The following NIPAL3 variants were observed in gnomAD, a reference collection of about 807,000 sequenced individuals.
NIPAL3 encodes NIPA-like protein 3.
NIPAL3 carries 41 observed loss-of-function variants against 47.2 expected under a neutral mutation model. The observed-to-expected ratio is 0.87, with a 90% CI of 0.68 to 1.13. The LOEUF is 1.13. NIPAL3 is among the 50% of genes most tolerant of loss of function. The pLI, the probability that NIPAL3 is intolerant of heterozygous loss-of-function variation, is 0.00. For synonymous variants in NIPAL3, 194 were observed against 209.6 expected, an observed-to-expected ratio of 0.93 and a Z score of 0.64; for missense variants, 449 against 530.1, an observed-to-expected ratio of 0.85 and a Z score of 1.50.
At chr1:24,414,986 T>C (rs1643953631), upstream of NIPAL3, 2 of 152,188 alleles carry the variant, frequency 1.3e-5, no homozygotes, top group African/African-American at 2.4e-5. Context: ...GAGCTTTCTC[T>C]GCCCCACGAT....
chr1:24,428,258 A>AAGAGAGAGAG (rs56082168), intron 2 of NIPAL3, among the ~76,000 whole-genome samples: 7,251 of 118,854 alleles, frequency 0.061, 316 homozygotes, highest in South Asian at 0.096. Flanking sequence ...CTCAAAAAGA[A>AAGAGAGAGAG]AGAGAGAGAG....
At chr1:24,438,956 A>C (rs1645250727) in intron 2 of NIPAL3, among the ~76,000 whole-genome samples, 1 of 152,230 alleles carries the variant, frequency 6.6e-6, no homozygotes, top group Non-Finnish European at 1.5e-5. Context: ...TAATCCATAC[A>C]AACGCACAAA....
chr1:24,442,250 TC>T (rs772793039), intron 4 of NIPAL3, 24 bp downstream of exon 4: 2 of 1,605,346 alleles, frequency 1.2e-6, no homozygotes, highest in Non-Finnish European at 1.7e-6. Context: ...TGCCCCACCC[TC>T]CCCTGGGGTG....
chr1:24,463,330 G>A (rs537336747), intron 10 of NIPAL3, among the ~76,000 whole-genome samples: 3 of 152,330 alleles, frequency 2.0e-5, no homozygotes, highest in Admixed American at 6.5e-5. Context: ...GGTGAGAGAA[G>A]TCAAGATAGT....
chr1:24,464,159 A>G, intron 11 of NIPAL3, 39 bp downstream of exon 11: 1 of 1,486,170 alleles, frequency 6.7e-7, no homozygotes, highest in Non-Finnish European at 9.3e-7. Context: ...GAACATCCAT[A>G]TAGAATGACT....
intron 2 of NIPAL3, among the ~76,000 whole-genome samples, chr1:24,432,128 A>G (rs1405234814): frequency 4.6e-5 from 7 of 151,852 alleles, no homozygotes; most frequent in Non-Finnish European, 1.0e-4. Flanking sequence ...TCTCTAATAG[A>G]TTATATATAT....
In NIPAL3 at chr1:24,440,235, C is replaced by G; in HGVS notation, c.157C>G (p.Leu53Val). The G allele has an allele frequency of 6.3e-7, 1 of 1,591,932 alleles. No homozygotes were observed. Among genetic ancestry groups the G allele is most frequent in the Non-Finnish European group, 8.5e-7 (1 of 1,170,348 alleles). ...GHLVVSIALN[L>V]QKYCHIRLAG... ...CCTCGTGGTCAGCATTGCACTTAAC[C>G]TCCAGGTAAGTTTCAGTTACCAGCA... is the stretch of plus-strand genomic sequence containing the variant. Residue 53 changes from leucine (L) to valine (V), a missense_variant, in exon 3 of 12, where the codon CTC (leucine) becomes GTC (valine). Physicochemically the swap from Leu to Val is conservative, Grantham distance 32. Coordinates refer to ENST00000374399, the MANE Select transcript of NIPAL3 (RefSeq NM_020448.5).
intron 5 of NIPAL3, among the ~76,000 whole-genome samples, chr1:24,448,077 T>C (rs1160828086): frequency 6.6e-6 from 1 of 152,260 alleles, no homozygotes; most frequent in Non-Finnish European, 1.5e-5. Flanking sequence ...ATTCATTCAT[T>C]GAACAATTGA....
chr1:24,461,498 C>G lies in NIPAL3; in HGVS notation c.926+954C>G, dbSNP rs1038249627. Among the ~76,000 whole-genome samples, 3 of 143,016 alleles carry G rather than the reference C, an allele frequency of 2.1e-5. No individual in the cohort carries two copies. In the East Asian group the frequency reaches 6.2e-4, roughly 30 times the overall value. 93.8% of individuals were successfully genotyped at this position (143,016 alleles called of 152,430 possible). A position where few individuals can be genotyped will look rare whatever the true frequency, so the allele number is the denominator to read the frequency against. ...CGGAGGTTGTGGTGACCCGAGATTG[C>G]GCCATTGCAGTCCAGCCTGGGCAAC... On this transcript the variant is annotated intron_variant, in intron 10 of 11. Transcript: ENST00000374399.
At chr1:24,427,916 T>A (rs2235553) in intron 2 of NIPAL3, among the ~76,000 whole-genome samples, 35,833 of 152,048 alleles carry the variant, frequency 0.24, 4,704 homozygotes, top group East Asian at 0.45. Flanking sequence ...AGCCATAGAA[T>A]CTACAATCCC....
At position 24,454,143 on chromosome 1, in the gene NIPAL3, C is replaced by T. The variant is rs992141934; in HGVS notation, c.637+639C>T. 2.2e-5 allele frequency: 27 copies of T among 1,241,872 alleles called. No homozygotes were observed. Among genetic ancestry groups the T allele is most frequent in the African/African-American group, 1.4e-4 (9 of 63,370 alleles). The allele number at this position is 1,241,872 out of a possible 1,614,324, so 76.9% of individuals were successfully genotyped here. A position where few individuals can be genotyped will look rare whatever the true frequency, so the allele number is the denominator to read the frequency against. On this transcript the variant is annotated intron_variant, in intron 7 of 11. Coordinates refer to ENST00000374399, the MANE Select transcript of NIPAL3 (RefSeq NM_020448.5). The surrounding 1 kb of genome is among the most constrained non-coding windows in gnomAD (Gnocchi z 4.1). Reference sequence around the variant, plus strand: ...CTGGCCTCAAGTGATCCCCCTGCCTCGGCCTCCCAAAGTGCCAGGATTACA... The same window carrying T: ...CTGGCCTCAAGTGATCCCCCTGCCTTGGCCTCCCAAAGTGCCAGGATTACA...
chr1:24,428,777 A>G (rs1416454543), intron 2 of NIPAL3, among the ~76,000 whole-genome samples: 1 of 152,164 alleles, frequency 6.6e-6, no homozygotes, highest in Non-Finnish European at 1.5e-5. Flanking sequence ...CCCTTGGCCC[A>G]TACATAACCT....
intron 5 of NIPAL3, among the ~76,000 whole-genome samples, chr1:24,445,553 C>T (rs1645618903): frequency 6.6e-6 from 1 of 152,176 alleles, no homozygotes; most frequent in South Asian, 2.1e-4. Flanking sequence ...TGACTGAGTT[C>T]TAAAGCAATG....
intron 2 of NIPAL3, among the ~76,000 whole-genome samples, chr1:24,436,773 AC>A (rs1255925454): frequency 1.3e-5 from 2 of 151,776 alleles, no homozygotes; most frequent in East Asian, 3.9e-4. Context: ...TGCTGGGATT[AC>A]AGGCGTGAGC....
chr1:24,449,778 T>C lies in NIPAL3; in HGVS notation c.540+152T>C. On this transcript the variant is annotated intron_variant, in intron 6 of 11. Coordinates refer to ENST00000374399, the MANE Select transcript of NIPAL3 (RefSeq NM_020448.5). The surrounding 1 kb of genome is among the most constrained non-coding windows in gnomAD (Gnocchi z 4.5). ...ACCGTGCTTCTGGAGAGTACACAGC[T>C]CATGGCGAAATGCTTGTTTCATTTA... 4 of 772,638 alleles carry C rather than the reference T, an allele frequency of 5.2e-6. No homozygotes were observed. The highest frequency in any genetic ancestry group is 7.9e-6 in the Non-Finnish European group (4 of 507,526). The allele number at this position is 772,638 out of a possible 1,614,324, so 47.9% of individuals were successfully genotyped here.
intron 11 of NIPAL3, among the ~76,000 whole-genome samples, chr1:24,467,088 G>T (rs939582416): frequency 3.3e-5 from 5 of 152,130 alleles, no homozygotes; most frequent in African/African-American, 1.2e-4. Context: ...CAGAAAATGA[G>T]GACAGTAGTT....
intron 2 of NIPAL3, among the ~76,000 whole-genome samples, chr1:24,429,706 T>C (rs1215574252): frequency 6.6e-6 from 1 of 152,190 alleles, no homozygotes; most frequent in African/African-American, 2.4e-5. Context: ...TTGGGTCTGA[T>C]TGGAGGAAAG....
In NIPAL3 at chr1:24,419,597, C is replaced by G; in HGVS notation, c.50C>G (p.Thr17Arg). The G allele has an allele frequency of 6.2e-7, 1 of 1,614,146 alleles. No homozygotes were observed. Among genetic ancestry groups the G allele is most frequent in the East Asian group, 2.2e-5 (1 of 44,874 alleles). ...CTGAAGCTGCAGCAGCTGCCTCCCA[C>G]AAGTAGCTCCAGCGCCGTAAGCGAG... is the stretch of plus-strand genomic sequence containing the variant. ...AALKLQQLPP[T>R]SSSSAVSEAS... The change falls in exon 2 of 12, where the codon ACA (threonine) becomes AGA (arginine). Residue 17 changes from threonine (T) to arginine (R), a missense_variant. Transcript: ENST00000374399.
At chr1:24,460,612 T>A in intron 10 of NIPAL3, 68 bp downstream of exon 10, 1 of 1,323,872 alleles carries the variant, frequency 7.6e-7, no homozygotes, top group East Asian at 2.7e-5. Context: ...TGCCCCTCTC[T>A]CTCCCTTATT....
Sources: gnomAD v4.1 joint callset for allele counts (sites outside exome capture counted in the v4.1 genomes callset) on GRCh38, gnomAD v4.1.1 for gene constraint, Gnocchi (gnomAD v3.1) non-coding constraint, MANE v1.5 for transcripts, NCBI Gene and HGNC (gene_info 2026-07-23, HGNC 2026-07-21) for gene names.